The following LRFN2 variants were observed in gnomAD, a reference collection of about 807,000 sequenced individuals.
LRFN2 encodes leucine-rich repeat and fibronectin type-III domain-containing protein 2.
Under a neutral mutation model 37.3 loss-of-function variants are expected in LRFN2, and 18 were observed. That is an observed-to-expected ratio of 0.48 (90% CI 0.33 to 0.72). LRFN2 has a LOEUF of 0.72. LRFN2 is among the 30% of genes least tolerant of loss of function. The pLI, the probability that LRFN2 is intolerant of heterozygous loss-of-function variation, is 0.02. For missense variants in LRFN2, 1,006 were observed against 1,060.7 expected, an observed-to-expected ratio of 0.95 and a Z score of 0.72; for synonymous variants, 556 against 466.6, an observed-to-expected ratio of 1.19 and a Z score of -2.47.
intron 1 of LRFN2, among the ~76,000 whole-genome samples, chr6:40,572,916 T>C (rs1767212970): frequency 6.6e-6 from 1 of 152,104 alleles, no homozygotes; most frequent in Non-Finnish European, 1.5e-5. Context: ...GACAACTACA[T>C]CAAATAGAAT....
chr6:40,395,586 G>C (rs1762599082), intron 2 of LRFN2, among the ~76,000 whole-genome samples: 1 of 152,142 alleles, frequency 6.6e-6, no homozygotes, highest in Non-Finnish European at 1.5e-5. Flanking sequence ...GATGTAAGTT[G>C]AGATGGCAGG....
At chr6:40,530,330 C>T (rs1453565590) in intron 1 of LRFN2, among the ~76,000 whole-genome samples, 2 of 152,318 alleles carry the variant, frequency 1.3e-5, no homozygotes, top group Middle Eastern at 3.4e-3. Context: ...TTGGCTCACA[C>T]GCAGTTCCAG....
intron 1 of LRFN2, among the ~76,000 whole-genome samples, chr6:40,489,462 C>T (rs944375290): frequency 1.3e-5 from 2 of 152,202 alleles, no homozygotes; most frequent in African/African-American, 4.8e-5. Flanking sequence ...TCCAGGCTCT[C>T]CTCAACCCAC....
At chr6:40,542,138 T>A (rs1044447345) in intron 1 of LRFN2, among the ~76,000 whole-genome samples, 2 of 152,230 alleles carry the variant, frequency 1.3e-5, no homozygotes, top group Admixed American at 6.5e-5. Flanking sequence ...CCAAGTGAAC[T>A]GCTGCTTTTG....
At chr6:40,467,495 A>G (rs1475899606) in intron 1 of LRFN2, among the ~76,000 whole-genome samples, 1 of 152,142 alleles carries the variant, frequency 6.6e-6, no homozygotes, top group Admixed American at 6.5e-5. Flanking sequence ...TGGCACAGAC[A>G]TGGAGACAGT....
intron 1 of LRFN2, among the ~76,000 whole-genome samples, chr6:40,523,592 T>C (rs77711596): frequency 0.017 from 2,402 of 144,822 alleles, 22 homozygotes; most frequent in Non-Finnish European, 0.023. Flanking sequence ...CTACGAATAA[T>C]ACCTTTGATC....
chr6:40,393,036 C>G lies in LRFN2; in HGVS notation c.1401-124G>C, dbSNP rs570845846. On this transcript the variant is annotated intron_variant, in intron 2 of 2. Coordinates refer to ENST00000338305, the MANE Select transcript of LRFN2 (RefSeq NM_020737.3). ...GAGGGGGAGGGGAGGGAGGCCAAGA[C>G]AGACACGGGGACACAGAGAGAATGG... 5.7e-6 allele frequency: 4 copies of G among 698,184 alleles called. No homozygotes were observed. The Admixed American group carries it at 1.1e-4, about 19-fold the overall frequency. The allele number at this position is 698,184 out of a possible 1,614,324, so 43.2% of individuals were successfully genotyped here. A position where few individuals can be genotyped will look rare whatever the true frequency, so the allele number is the denominator to read the frequency against.
rs865859775 is a variant in LRFN2 at position 40,481,456 on chromosome 6, A to G, written c.-18-48325T>C. On this transcript the variant is annotated intron_variant, in intron 1 of 2. Transcript: ENST00000338305. ...GATTGTCTCAAAAAAAAAAAAAAAA[A>G]AGAGAGAAAGAAAAGAAAAAAGAAA... Among the ~76,000 whole-genome samples, 7 of 149,920 alleles carry G rather than the reference A, an allele frequency of 4.7e-5. 1 individual carries two copies. The highest frequency in any genetic ancestry group is 2.7e-4 in the Admixed American group (4 of 15,094).
intron 1 of LRFN2, among the ~76,000 whole-genome samples, chr6:40,494,372 C>A (rs188354241): frequency 1.3e-5 from 2 of 152,284 alleles, no homozygotes; most frequent in Non-Finnish European, 2.9e-5. Context: ...TTCCCCACCC[C>A]CGTTTCCAAA....
chr6:40,585,088 CCCAGCCT>C (rs925840671), intron 1 of LRFN2, among the ~76,000 whole-genome samples: 6 of 152,266 alleles, frequency 3.9e-5, no homozygotes, highest in Admixed American at 2.0e-4. Context: ...AGCCCTGAAC[CCCAGCCT>C]CCAGCCCACA....
rs745959282 is a variant in LRFN2, at chr6:40,391,911, G to A, written c.*32C>T. On this transcript the variant is annotated 3_prime_UTR_variant, in exon 3 of 3. Transcript: ENST00000338305. Reference sequence around the variant, plus strand: ...AGATTCTTTCCCCTTCTCCCACCCTGCGCACAGGAAAGGGAGCATGCCCAC... The same window carrying A: ...AGATTCTTTCCCCTTCTCCCACCCTACGCACAGGAAAGGGAGCATGCCCAC... 4.7e-6 allele frequency: 7 copies of A among 1,496,188 alleles called. No homozygotes were observed. In the African/African-American group the frequency reaches 8.6e-5, roughly 18 times the overall value. The allele number at this position is 1,496,188 out of a possible 1,614,324, so 92.7% of individuals were successfully genotyped here. A position where few individuals can be genotyped will look rare whatever the true frequency, so the allele number is the denominator to read the frequency against.
chr6:40,493,618 C>T (rs1395627009), intron 1 of LRFN2, among the ~76,000 whole-genome samples: 1 of 152,158 alleles, frequency 6.6e-6, no homozygotes, highest in Admixed American at 6.5e-5. Context: ...CTCCAGAAGC[C>T]CCAGCTCTGT....
At chr6:40,527,843 A>G (rs1158747886) in intron 1 of LRFN2, among the ~76,000 whole-genome samples, 1 of 152,248 alleles carries the variant, frequency 6.6e-6, no homozygotes, top group Non-Finnish European at 1.5e-5. Flanking sequence ...TTCAGTTTGT[A>G]GTTTGGGTCA....
intron 1 of LRFN2, among the ~76,000 whole-genome samples, chr6:40,445,197 G>A (rs1298778805): frequency 6.6e-6 from 1 of 152,226 alleles, no homozygotes; most frequent in Non-Finnish European, 1.5e-5. Flanking sequence ...GAAGAGGGAA[G>A]TATCTACAGG....
rs1246143598 is a variant in LRFN2, at chr6:40,432,014, T to C, written c.1100A>G (p.Glu367Gly). The C allele has an allele frequency of 6.2e-7, 1 of 1,613,864 alleles. No homozygotes were observed. Among genetic ancestry groups the C allele is most frequent in the Non-Finnish European group, 8.5e-7 (1 of 1,180,026 alleles). Residue 367 changes from glutamate to glycine, a missense_variant, in exon 2 of 3, where the codon GAG (glutamate) becomes GGG (glycine). By Grantham distance (98) the Glu-to-Gly change is moderately conservative (BLOSUM62 -2). Coordinates refer to ENST00000338305, the MANE Select transcript of LRFN2 (RefSeq NM_020737.3). ...FTCIAANAAG[E>G]ATAMVEVSIV... ...GGAGACCTCCACCATGGCCGTGGCC[T>C]CTCCGGCAGCATTGGCAGCAATGCA...
intron 1 of LRFN2, among the ~76,000 whole-genome samples, chr6:40,544,278 C>T (rs1766613679): frequency 6.6e-6 from 1 of 152,226 alleles, no homozygotes; most frequent in Non-Finnish European, 1.5e-5. Context: ...CCATTGATGC[C>T]AGGCATGAAA....
chr6:40,579,139 C>T (rs1318017566), intron 1 of LRFN2, among the ~76,000 whole-genome samples: 2 of 152,206 alleles, frequency 1.3e-5, no homozygotes, highest in Non-Finnish European at 2.9e-5. Context: ...TCCTCATTCA[C>T]AGATTCTTGC....
At chr6:40,585,301 T>G (rs1485681474) in intron 1 of LRFN2, among the ~76,000 whole-genome samples, 2 of 152,070 alleles carry the variant, frequency 1.3e-5, no homozygotes, top group African/African-American at 2.4e-5. Flanking sequence ...CAGAAGCATG[T>G]GAGGAGGCCA....
At chr6:40,518,543 T>C (rs1765953056) in intron 1 of LRFN2, among the ~76,000 whole-genome samples, 1 of 152,080 alleles carries the variant, frequency 6.6e-6, no homozygotes, top group Non-Finnish European at 1.5e-5. Flanking sequence ...CAGAGCGGGG[T>C]CTTGGTCCTG....
Sources: allele counts gnomAD v4.1 joint callset (sites outside exome capture counted in the v4.1 genomes callset), GRCh38; gene constraint gnomAD v4.1.1; transcripts MANE v1.5; gene names NCBI Gene and HGNC (gene_info 2026-07-23, HGNC 2026-07-21).